The following TBC1D5 variants were observed in gnomAD, a reference collection of about 807,000 sequenced individuals.
TBC1D5 encodes the protein TBC1 domain family, member 5.
In TBC1D5, 75 loss-of-function variants were observed where a neutral mutation model predicts 100.3. That is an observed-to-expected ratio of 0.75 (90% CI 0.62 to 0.91). The LOEUF (loss-of-function observed/expected upper bound fraction) is 0.91. Ranked by LOEUF, TBC1D5 falls within the 40% of genes least tolerant of loss-of-function variation. The pLI, the probability that TBC1D5 is intolerant of heterozygous loss-of-function variation, is 0.00. For missense variants in TBC1D5, 910 were observed against 942.4 expected, an observed-to-expected ratio of 0.97 and a Z score of 0.45; for synonymous variants, 323 against 325.6, an observed-to-expected ratio of 0.99 and a Z score of 0.09.
chr3:17,620,653 A>C (rs1187460590), intron 2 of TBC1D5, among the ~76,000 whole-genome samples: 2 of 152,180 alleles, frequency 1.3e-5, no homozygotes, highest in Non-Finnish European at 2.9e-5. Flanking sequence ...AAAACAATAA[A>C]ATTGGTTTCC....
intron 1 of TBC1D5, among the ~76,000 whole-genome samples, chr3:17,726,481 C>A (rs1490740779): frequency 6.6e-6 from 1 of 152,140 alleles, no homozygotes; most frequent in Non-Finnish European, 1.5e-5. Context: ...AGCATTTATT[C>A]ATATGCTTAT....
At chr3:17,484,331 T>C (rs2095533910) in intron 3 of TBC1D5, among the ~76,000 whole-genome samples, 1 of 152,098 alleles carries the variant, frequency 6.6e-6, no homozygotes, top group African/African-American at 2.4e-5. Context: ...GAACTAAAAC[T>C]TCAGAAACAA....
chr3:17,180,725 A>G (rs2068344613), intron 19 of TBC1D5, among the ~76,000 whole-genome samples: 1 of 152,132 alleles, frequency 6.6e-6, no homozygotes, highest in Admixed American at 6.5e-5. Context: ...AATAATGTGT[A>G]TATATGGACA....
chr3:17,719,383 GC>G (rs1423836005), intron 1 of TBC1D5, among the ~76,000 whole-genome samples: 1 of 152,112 alleles, frequency 6.6e-6, no homozygotes, highest in Non-Finnish European at 1.5e-5. Flanking sequence ...TTTCCCATAA[GC>G]AATCATAACT....
intron 3 of TBC1D5, among the ~76,000 whole-genome samples, chr3:17,430,964 G>A (rs891257149): frequency 6.6e-6 from 1 of 151,856 alleles, no homozygotes; most frequent in African/African-American, 2.4e-5. Context: ...GCTATAATAT[G>A]ATAAAAAACA....
chr3:17,673,441 C>T (rs571218307), intron 1 of TBC1D5, among the ~76,000 whole-genome samples: 9 of 150,796 alleles, frequency 6.0e-5, no homozygotes, highest in Admixed American at 4.0e-4. Flanking sequence ...CTCCCGAGTA[C>T]CTGAGACTAC....
intron 13 of TBC1D5, among the ~76,000 whole-genome samples, chr3:17,328,274 T>C (rs2086422827): frequency 6.9e-6 from 1 of 145,928 alleles, no homozygotes; most frequent in African/African-American, 2.7e-5. Context: ...GTCTCTTTAT[T>C]TAAAAAAAAA....
intron 1 of TBC1D5, among the ~76,000 whole-genome samples, chr3:17,630,978 A>AGC (rs200800787): frequency 2.1e-5 from 3 of 146,040 alleles, no homozygotes; most frequent in Non-Finnish European, 4.5e-5. Flanking sequence ...CGGGAGGCAG[A>AGC]CGTTGCAGTG....
At chr3:17,641,228 A>G (rs1305164161) in intron 1 of TBC1D5, among the ~76,000 whole-genome samples, 1 of 152,120 alleles carries the variant, frequency 6.6e-6, no homozygotes, top group Admixed American at 6.6e-5. Context: ...TACTTAAATC[A>G]TGCCCTTGAT....
In TBC1D5 at chr3:17,370,038, A is replaced by G. The variant is rs189325997; in HGVS notation, c.995+2037T>C. ...GAATAATTATGTCATGGATCATGGA[A>G]TTTTAATGGGAAGGTACTGGTCAAA... On this transcript the variant is annotated intron_variant, in intron 13 of 21. Coordinates refer to ENST00000253692, the Ensembl canonical transcript of TBC1D5. Among the ~76,000 whole-genome samples the G allele has an allele frequency of 2.8e-3, 432 of 152,284 alleles. 2 individuals carry two copies. The highest frequency in any genetic ancestry group is 4.9e-3 in the Non-Finnish European group (330 of 68,024).
intron 1 of TBC1D5, among the ~76,000 whole-genome samples, chr3:17,669,959 C>A (rs1158744892): frequency 6.6e-6 from 1 of 152,224 alleles, no homozygotes; most frequent in Admixed American, 6.5e-5. Context: ...GATCTCGGCT[C>A]ACTGCAACCT....
At chr3:17,484,267 C>T (rs1016429501) in intron 3 of TBC1D5, among the ~76,000 whole-genome samples, 10 of 152,134 alleles carry the variant, frequency 6.6e-5, no homozygotes, top group Admixed American at 4.6e-4. Flanking sequence ...TTAAAACAAA[C>T]TTAATCAAAA....
At chr3:17,656,417 A>G (rs2066067974) in intron 1 of TBC1D5, among the ~76,000 whole-genome samples, 2 of 152,204 alleles carry the variant, frequency 1.3e-5, no homozygotes, top group South Asian at 4.1e-4. Context: ...CCAAAATGAT[A>G]TGGAAACAGA....
At chr3:17,644,243 T>A (rs966950417) in intron 1 of TBC1D5, 1 of 152,148 alleles carries the variant, frequency 6.6e-6, no homozygotes, top group Admixed American at 6.6e-5. Flanking sequence ...GGTTTATTTA[T>A]CAAAACTTTA....
chr3:17,196,703 T>C (rs1348666813), intron 18 of TBC1D5, among the ~76,000 whole-genome samples: 9 of 152,248 alleles, frequency 5.9e-5, no homozygotes, highest in African/African-American at 2.4e-5. Flanking sequence ...GGATTAACTC[T>C]AAAATTTCTA....
chr3:17,433,468 G>GA (rs2094480021), intron 3 of TBC1D5, among the ~76,000 whole-genome samples: 1 of 152,192 alleles, frequency 6.6e-6, no homozygotes, highest in East Asian at 1.9e-4. Context: ...GCAAAACAGG[G>GA]AAAAGCCCCT....
chr3:17,324,361 G>A (rs1208278679), intron 13 of TBC1D5, among the ~76,000 whole-genome samples: 1 of 152,136 alleles, frequency 6.6e-6, no homozygotes, highest in Non-Finnish European at 1.5e-5. Flanking sequence ...AATGAAAATA[G>A]GCCCGGTGTG....
intron 2 of TBC1D5, chr3:17,562,137 C>G (rs976360192): frequency 6.6e-5 from 10 of 151,370 alleles, no homozygotes; most frequent in African/African-American, 2.4e-4. Context: ...GAGTGAGACC[C>G]CATCTCTAAA....
At chr3:17,334,267 C>G (rs1046046159) in intron 13 of TBC1D5, among the ~76,000 whole-genome samples, 4 of 152,042 alleles carry the variant, frequency 2.6e-5, no homozygotes, top group African/African-American at 7.2e-5. Context: ...TATGAGCCAC[C>G]TGAAGGATAG....
Sources: allele counts gnomAD v4.1 joint callset (sites outside exome capture counted in the v4.1 genomes callset), GRCh38; gene constraint gnomAD v4.1.1; transcripts MANE v1.5; gene names NCBI Gene and HGNC (gene_info 2026-07-23, HGNC 2026-07-21).